The following MPDZ variants were observed in gnomAD, a reference collection of about 807,000 sequenced individuals.
The protein encoded by MPDZ is multiple PDZ domain crumbs cell polarity complex component.
A neutral mutation model predicts 239.1 loss-of-function variants in MPDZ; 234 were observed. The ratio of observed to expected loss-of-function variants is 0.98; its 90% CI spans 0.88 to 1.09. The LOEUF (loss-of-function observed/expected upper bound fraction) is 1.09. Ranked by LOEUF, MPDZ falls within the 50% of genes least tolerant of loss-of-function variation. The pLI is 0.00. For synonymous variants in MPDZ, 1,048 were observed against 881.3 expected, an observed-to-expected ratio of 1.19 and a Z score of -3.35; for missense variants, 3,175 against 2,510.0, an observed-to-expected ratio of 1.26 and a Z score of -5.66.
At chr9:13,175,909 G>A (rs141883334) in intron 20 of MPDZ, 34 bp from the exon 21 acceptor site, 33,536 of 1,564,552 alleles carry the variant, frequency 0.021, 443 homozygotes, top group South Asian at 0.042. Context: ...CAAGTCACAT[G>A]GAAAGGGAAA....
chr9:13,137,785 C>G (rs1171820241), intron 29 of MPDZ, among the ~76,000 whole-genome samples, 172 bp downstream of exon 29: 1 of 152,196 alleles, frequency 6.6e-6, no homozygotes, highest in African/African-American at 2.4e-5. Context: ...GGAACATGGA[C>G]TCTACTTGGT....
At chr9:13,258,497 A>C (rs1217424707) in intron 1 of MPDZ, among the ~76,000 whole-genome samples, 2 of 152,368 alleles carry the variant, frequency 1.3e-5, no homozygotes, top group East Asian at 3.9e-4. Context: ...ACCTGAAGTA[A>C]GCAGACGAAG....
At chr9:13,159,283 C>T (rs1048107103) in intron 23 of MPDZ, among the ~76,000 whole-genome samples, 3 of 152,076 alleles carry the variant, frequency 2.0e-5, no homozygotes, top group East Asian at 1.9e-4. Flanking sequence ...AGAATAAAAT[C>T]TCTTTGCTAT....
At chr9:13,223,750 G>A in intron 4 of MPDZ, 40 bp from the exon 5 acceptor site, 1 of 1,537,406 alleles carries the variant, frequency 6.5e-7, no homozygotes, top group Non-Finnish European at 8.8e-7. Flanking sequence ...CTAAAAGCCA[G>A]GCCATGCATG....
chr9:13,238,211 C>T (rs183196146), intron 3 of MPDZ, among the ~76,000 whole-genome samples: 183 of 152,302 alleles, frequency 1.2e-3, no homozygotes, highest in African/African-American at 4.3e-3. Flanking sequence ...CTGGACTATA[C>T]TACCTGGGAC....
In MPDZ at chr9:13,255,741, C is replaced by T. The variant is rs558424134; in HGVS notation, c.-57-5369G>A. Among the ~76,000 whole-genome samples, 101 of 152,236 alleles carry T rather than the reference C, an allele frequency of 6.6e-4. 2 individuals carry two copies. The highest frequency in any genetic ancestry group is 1.2e-3 in the Non-Finnish European group (80 of 68,008). On this transcript the variant is annotated intron_variant, in intron 1 of 46. Transcript: ENST00000319217. Reference sequence around the variant, plus strand: ...ACATTCAGTAAACCATGCTATAAACCGATGTGCTGTTATCCAGTCTTTCTT... The same window carrying T: ...ACATTCAGTAAACCATGCTATAAACTGATGTGCTGTTATCCAGTCTTTCTT...
chr9:13,146,148 C>T (rs1274148185), intron 26 of MPDZ, among the ~76,000 whole-genome samples: 1 of 152,000 alleles, frequency 6.6e-6, no homozygotes, highest in African/African-American at 2.4e-5. Context: ...TATTACCTAA[C>T]AATAAACAAC....
chr9:13,157,466 T>C (rs567256979), intron 24 of MPDZ, among the ~76,000 whole-genome samples: 21 of 152,316 alleles, frequency 1.4e-4, no homozygotes, highest in Middle Eastern at 3.4e-3. Context: ...AAGTTGATTT[T>C]ACTCAGCATA....
rs1283435689 is a variant in MPDZ at position 13,223,707 on chromosome 9, G to A, written c.397C>T (p.Arg133Cys). ...DQLIKNMAQGRHVEVFELLKP... is the reference protein window; with the variant it reads ...DQLIKNMAQGCHVEVFELLKP... ...AGGAGCTCAAAAACTTCTACATGGC[G>A]ACCCTGTTTAGGAAACAAAGCAAGA... Residue 133 changes from arginine to cysteine, a missense_variant, in exon 5 of 47, where the codon CGC (arginine) becomes TGC (cysteine). Physicochemically the swap from Arg to Cys is radical, Grantham distance 180. Transcript: ENST00000319217. 12 of 1,597,586 alleles carry A rather than the reference G, an allele frequency of 7.5e-6. No individual in the cohort carries two copies. The highest frequency in any genetic ancestry group is 4.0e-5 in the African/African-American group (3 of 74,276).
chr9:13,182,416 C>A (rs1953472584), intron 19 of MPDZ, among the ~76,000 whole-genome samples: 1 of 152,088 alleles, frequency 6.6e-6, no homozygotes, highest in African/African-American at 2.4e-5. Flanking sequence ...GCTAAATTCC[C>A]ATACTTCCTT....
At chr9:13,206,329 G>A (rs1183906269) in intron 10 of MPDZ, among the ~76,000 whole-genome samples, 1 of 151,838 alleles carries the variant, frequency 6.6e-6, no homozygotes, top group East Asian at 1.9e-4. Context: ...ATAGATTCTG[G>A]GGTACCATAT....
intron 10 of MPDZ, among the ~76,000 whole-genome samples, chr9:13,212,509 G>T (rs1209654332): frequency 2.0e-5 from 3 of 151,900 alleles, no homozygotes; most frequent in Non-Finnish European, 2.9e-5. Context: ...TCACACCCAT[G>T]CTACATATGA....
intron 8 of MPDZ, 40 bp downstream of exon 8, chr9:13,219,519 A>G (rs1323634923): frequency 1.3e-5 from 20 of 1,561,384 alleles, no homozygotes; most frequent in Non-Finnish European, 1.8e-5. Flanking sequence ...TCTAAGTGTT[A>G]TTTCTCTGAC....
Position 13,122,152 on chromosome 9 carries a change from C to A in MPDZ, c.4972G>T (p.Glu1658Ter). ...CATGCTGCTCCTTCTTCATAAACTT[C>A]ATGGATAATAATGGCACCCTAAGGG... ...DTLLGAIIIH[E>*]VYEEGAACKD... The change falls in exon 37 of 47, where the codon GAA (glutamate) becomes TAA (stop). Residue 1658 changes from glutamate (E) to a stop codon, truncating the protein, a stop_gained. Coordinates refer to ENST00000319217, the MANE Select transcript of MPDZ (RefSeq NM_001378778.1). LOFTEE classifies it high-confidence loss of function. 1 of 1,614,000 alleles carries A rather than the reference C, an allele frequency of 6.2e-7. No individual in the cohort carries two copies. Among genetic ancestry groups the A allele is most frequent in the Non-Finnish European group, 8.5e-7 (1 of 1,179,914 alleles).
intron 32 of MPDZ, among the ~76,000 whole-genome samples, chr9:13,127,218 T>C (rs903560965): frequency 1.3e-5 from 2 of 152,172 alleles, no homozygotes; most frequent in Non-Finnish European, 2.9e-5. Context: ...CTCTTCTTCC[T>C]TTAGCAGGCA....
rs146893629 is a variant in MPDZ at position 13,202,983 on chromosome 9, G to A, written c.1546+2053C>T. ...TGTTGATGTCACTCTTCAATTTACT[G>A]CATATTTTCAAATAGCCAGAGGAGC... On this transcript the variant is annotated intron_variant, in intron 12 of 46. Transcript: ENST00000319217. Among the ~76,000 whole-genome samples the A allele has an allele frequency of 2.0e-5, 3 of 152,158 alleles. No homozygotes were observed. In the East Asian group the frequency reaches 5.8e-4, roughly 29 times the overall value.
chr9:13,138,993 C>T (rs1030635810), intron 28 of MPDZ, among the ~76,000 whole-genome samples: 1 of 152,162 alleles, frequency 6.6e-6, no homozygotes, highest in African/African-American at 2.4e-5. Flanking sequence ...CATTTCAGTT[C>T]ACGTTTTCCT....
At position 13,112,146 on chromosome 9, in the gene MPDZ, C is replaced by A; in HGVS notation, c.5602G>T (p.Gly1868Cys). 2 of 1,608,866 alleles carry A rather than the reference C, an allele frequency of 1.2e-6. No individual in the cohort carries two copies. The highest frequency in any genetic ancestry group is 1.1e-5 in the South Asian group (1 of 90,172). Residue 1868 changes from glycine (G) to cysteine (C), a missense_variant and splice_region_variant, in exon 43 of 47, where the codon GGC becomes TGC. By Grantham distance (159) the Gly-to-Cys change is radical. Coordinates refer to ENST00000319217, the MANE Select transcript of MPDZ (RefSeq NM_001378778.1). Reference protein sequence around the residue: ...QGLRTVEMKKGPTDSLGISIA... With the variant: ...QGLRTVEMKKCPTDSLGISIA... ...CTGATTCCCAGTGAGTCAGTAGGGC[C>A]CTGCCATGGAACAGATATAAAATTT...
chr9:13,140,207 A>G (rs1947441846), intron 27 of MPDZ, 58 bp from the exon 28 acceptor site: 3 of 1,533,048 alleles, frequency 2.0e-6, no homozygotes, highest in South Asian at 1.2e-5. Flanking sequence ...AAACTTCAAG[A>G]AGAAGAAATA....
Sources: gnomAD v4.1 joint callset for allele counts (sites outside exome capture counted in the v4.1 genomes callset) on GRCh38, gnomAD v4.1.1 for gene constraint, MANE v1.5 for transcripts, NCBI Gene and HGNC (gene_info 2026-07-23, HGNC 2026-07-21) for gene names.